TTBK2: variants seen among roughly 807,000 people sequenced by gnomAD.
TTBK2 encodes tau-tubulin kinase 2.
TTBK2 carries 28 observed loss-of-function variants against 110.8 expected under a neutral mutation model. That is an observed-to-expected ratio of 0.25 (90% CI 0.19 to 0.35). TTBK2 has a LOEUF of 0.35. Among genes scored for constraint, TTBK2 ranks in the 10% least tolerant of loss-of-function variants. TTBK2 has a pLI of 1.00. For missense variants in TTBK2, 1,369 were observed against 1,500.3 expected, an observed-to-expected ratio of 0.91 and a Z score of 1.45; for synonymous variants, 532 against 527.3, an observed-to-expected ratio of 1.01 and a Z score of -0.12.
rs1243910765 is a variant in TTBK2 at position 42,844,822 on chromosome 15, A to G, written c.218-4389T>C. 3.9e-5 allele frequency among the ~76,000 whole-genome samples: 6 copies of G among 152,224 alleles called. No individual in the cohort carries two copies. The East Asian group carries it at 1.2e-3, about 29-fold the overall frequency. ...ACAGAAACAGATTTTAAAATCATGTAACACCTTGTCTATAAGTATTAAAAC... is the reference window on the plus strand; with the variant it reads ...ACAGAAACAGATTTTAAAATCATGTGACACCTTGTCTATAAGTATTAAAAC... On this transcript the variant is annotated intron_variant, in intron 3 of 14. Coordinates refer to ENST00000267890, the MANE Select transcript of TTBK2 (RefSeq NM_173500.4).
At chr15:42,829,190 A>G (rs573145767) in intron 5 of TTBK2, among the ~76,000 whole-genome samples, 8 of 152,236 alleles carry the variant, frequency 5.3e-5, no homozygotes, top group Non-Finnish European at 1.0e-4. Context: ...TATATCAGAA[A>G]TCGGTCATTT....
At chr15:42,837,780 T>C (rs569158910) in intron 4 of TTBK2, among the ~76,000 whole-genome samples, 1 of 152,134 alleles carries the variant, frequency 6.6e-6, no homozygotes, top group Non-Finnish European at 1.5e-5. Flanking sequence ...TCTACAGACG[T>C]TAGTATCTTT....
intron 3 of TTBK2, among the ~76,000 whole-genome samples, chr15:42,858,287 T>G (rs1336590675): frequency 6.6e-6 from 1 of 152,104 alleles, no homozygotes; most frequent in Non-Finnish European, 1.5e-5. Context: ...ATAAAGAATA[T>G]TTTCATTACA....
At chr15:42,806,244 A>T (rs1219212601) in intron 9 of TTBK2, among the ~76,000 whole-genome samples, 1 of 152,242 alleles carries the variant, frequency 6.6e-6, no homozygotes, top group Admixed American at 6.5e-5. Context: ...AGCCTGGGCA[A>T]CAGAGCAAGA....
chr15:42,840,841 A>G (rs1290383095), intron 3 of TTBK2, among the ~76,000 whole-genome samples: 1 of 152,230 alleles, frequency 6.6e-6, no homozygotes, highest in East Asian at 1.9e-4. Context: ...ACTCATTGTT[A>G]TGACTTCAGC....
At chr15:42,899,393 C>T (rs1895793923) in intron 1 of TTBK2, among the ~76,000 whole-genome samples, 1 of 151,554 alleles carries the variant, frequency 6.6e-6, no homozygotes, top group Non-Finnish European at 1.5e-5. Context: ...GTCAGGAGTT[C>T]AAGACCAGCC....
rs555409260 is a variant in TTBK2, at chr15:42,808,491, T to C, written c.822+2123A>G. Among the ~76,000 whole-genome samples, 6 of 152,202 alleles carry C rather than the reference T, an allele frequency of 3.9e-5. No individual in the cohort carries two copies. In the South Asian group the frequency reaches 1.2e-3, roughly 32 times the overall value. On this transcript the variant is annotated intron_variant, in intron 9 of 14. Transcript: ENST00000267890. ...ATTTAATATGGATATGCTTTTTGCT[T>C]GTTGCTGGAGGAGGTTTATTGTTTT...
chr15:42,873,438 A>T lies in TTBK2; in HGVS notation c.70-680T>A, dbSNP rs537477502. Among the ~76,000 whole-genome samples the T allele has an allele frequency of 9.2e-5, 14 of 152,032 alleles. 2 individuals are homozygous for T. Among genetic ancestry groups the T allele is most frequent in the African/African-American group, 3.4e-4 (14 of 41,454 alleles). On this transcript the variant is annotated intron_variant, in intron 2 of 14. Transcript: ENST00000267890. Reference sequence around the variant, plus strand: ...GACAGAGAGAGACTCCATCTCAAAAACGAAAAAAACAAAAAACACTACAAA... The same window carrying T: ...GACAGAGAGAGACTCCATCTCAAAATCGAAAAAAACAAAAAACACTACAAA...
intron 6 of TTBK2, among the ~76,000 whole-genome samples, chr15:42,824,795 C>A (rs7168141): frequency 0.46 from 69,527 of 151,914 alleles, 20,828 homozygotes; most frequent in African/African-American, 0.85. Flanking sequence ...TGATGAAATA[C>A]TCTATATAAC....
chr15:42,891,059 C>T (rs1287104632), intron 1 of TTBK2, among the ~76,000 whole-genome samples: 2 of 151,438 alleles, frequency 1.3e-5, no homozygotes, highest in African/African-American at 4.9e-5. Context: ...CTGGTAGAGA[C>T]GGGGGGTTTT....
rs769293441 is a variant in TTBK2, at chr15:42,802,101, G to T, written c.823-7300C>A. 1.3e-5 allele frequency: 19 copies of T among 1,456,138 alleles called. No individual in the cohort carries two copies. The South Asian group carries it at 2.2e-4, about 17-fold the overall frequency. The allele number at this position is 1,456,138 out of a possible 1,614,324, so 90.2% of individuals were successfully genotyped here. A position where few individuals can be genotyped will look rare whatever the true frequency, so the allele number is the denominator to read the frequency against. On this transcript the variant is annotated intron_variant, in intron 9 of 14. Coordinates refer to ENST00000267890, the MANE Select transcript of TTBK2 (RefSeq NM_173500.4). Reference sequence around the variant, plus strand: ...CCAGGAACCGTACCTTGTCTATGAAGGAGAAAAACTTGTTGTTGAGGGTCT... The same window carrying T: ...CCAGGAACCGTACCTTGTCTATGAATGAGAAAAACTTGTTGTTGAGGGTCT...
intron 7 of TTBK2, among the ~76,000 whole-genome samples, chr15:42,812,486 G>A (rs1267305260): frequency 6.6e-6 from 1 of 152,116 alleles, no homozygotes; most frequent in Non-Finnish European, 1.5e-5. Flanking sequence ...ACTTCTGGGT[G>A]ATCATGCCCT....
At chr15:42,782,687 C>CTGCA (rs1377572166) in intron 11 of TTBK2, among the ~76,000 whole-genome samples, 1 of 152,160 alleles carries the variant, frequency 6.6e-6, no homozygotes, top group Non-Finnish European at 1.5e-5. Context: ...ATTCAATAAA[C>CTGCA]TGCACATCAC....
chr15:42,793,037 C>T (rs1890766476), intron 10 of TTBK2, among the ~76,000 whole-genome samples: 2 of 152,214 alleles, frequency 1.3e-5, no homozygotes, highest in African/African-American at 4.8e-5. Flanking sequence ...CTGGCTCCAG[C>T]TCTGCCACTA....
At position 42,746,398 on chromosome 15, in the gene TTBK2, C is replaced by A. The variant is rs1218245664; in HGVS notation, c.3273-141G>T. The A allele has an allele frequency of 7.4e-6, 5 of 677,944 alleles. No homozygotes were observed. In the Admixed American group the frequency reaches 1.3e-4, roughly 18 times the overall value. The allele number at this position is 677,944 out of a possible 1,614,324, so 42.0% of individuals were successfully genotyped here. A position where few individuals can be genotyped will look rare whatever the true frequency, so the allele number is the denominator to read the frequency against. Reference sequence around the variant, plus strand: ...GGATACAGGGTTACTCTGTCATATACTAGTTGTATGACCCTGGACAAATTC... The same window carrying A: ...GGATACAGGGTTACTCTGTCATATAATAGTTGTATGACCCTGGACAAATTC... On this transcript the variant is annotated intron_variant, in intron 14 of 14. Coordinates refer to ENST00000267890, the MANE Select transcript of TTBK2 (RefSeq NM_173500.4).
At chr15:42,760,896 C>A (rs577020894) in intron 13 of TTBK2, among the ~76,000 whole-genome samples, 16 of 152,140 alleles carry the variant, frequency 1.1e-4, no homozygotes, top group African/African-American at 3.6e-4. Flanking sequence ...GAAAACAAAA[C>A]AAAAGTTGGA....
chr15:42,878,489 GTA>G lies in TTBK2; in HGVS notation c.69+58_69+59del, dbSNP rs1491103064. ...GATACCAAAAATTACCCCCCGATATGTATACACACACACACACACACACACAC... is the reference window on the plus strand; with the variant it reads ...GATACCAAAAATTACCCCCCGATATGTACACACACACACACACACACACAC... On this transcript the variant is annotated intron_variant, in intron 2 of 14. Coordinates refer to ENST00000267890, the MANE Select transcript of TTBK2 (RefSeq NM_173500.4). 2.7e-4 allele frequency: 331 copies of G among 1,208,308 alleles called. No homozygotes were observed. The African/African-American group carries it at 6.9e-3, about 25-fold the overall frequency. The allele number at this position is 1,208,308 out of a possible 1,614,324, so 74.8% of individuals were successfully genotyped here.
In TTBK2 at chr15:42,762,717, C is replaced by T. The variant is rs796066360; in HGVS notation, c.1999-9470G>A. ...TGGGTGACAGAGTGAGATGCTGTCT[C>T]AAAAAATAAATAAATAAATAAATAA... On this transcript the variant is annotated intron_variant, in intron 13 of 14. Coordinates refer to ENST00000267890, the MANE Select transcript of TTBK2 (RefSeq NM_173500.4). 2.0e-5 allele frequency among the ~76,000 whole-genome samples: 3 copies of T among 150,858 alleles called. No homozygotes were observed. The South Asian group carries it at 6.2e-4, about 31-fold the overall frequency.
chr15:42,780,950 C>A (rs775408569), intron 11 of TTBK2, among the ~76,000 whole-genome samples: 1 of 151,926 alleles, frequency 6.6e-6, no homozygotes, highest in South Asian at 2.1e-4. Flanking sequence ...GGTGACAGAG[C>A]GAGACTCTGT....
Sources: gnomAD v4.1 joint callset for allele counts (sites outside exome capture counted in the v4.1 genomes callset) on GRCh38, gnomAD v4.1.1 for gene constraint, MANE v1.5 for transcripts, NCBI Gene and HGNC (gene_info 2026-07-23, HGNC 2026-07-21) for gene names.